Variants in C10orf67 observed in about 807,000 individuals in gnomAD.
C10orf67 encodes the protein uncharacterized protein C10orf67, mitochondrial.
In C10orf67, 60 loss-of-function variants were observed where a neutral mutation model predicts 35.6. The observed-to-expected ratio is 1.68, with a 90% confidence interval of 1.37 to 2.09. The LOEUF is 2.09. Among genes scored for constraint, C10orf67 ranks in the 30% most tolerant of loss-of-function variants. C10orf67 has a pLI of 0.00. For missense variants in C10orf67, 474 were observed against 330.2 expected (o/e 1.44, Z -3.38); for synonymous variants, 167 against 115.8 (o/e 1.44, Z -2.84).
chr10:23,278,406 G>A (rs561984104), intron 8 of C10orf67, among the ~76,000 whole-genome samples: 5 of 152,288 alleles, frequency 3.3e-5, no homozygotes, highest in Admixed American at 6.5e-5. Context: ...CATATATAGT[G>A]TGGGTTAAGC....
At chr10:23,309,245 T>C (rs966430115) in intron 4 of C10orf67, among the ~76,000 whole-genome samples, 2 of 152,110 alleles carry the variant, frequency 1.3e-5, no homozygotes, top group Non-Finnish European at 2.9e-5. Context: ...TGCAGTAACA[T>C]GAATGGAGCT....
intron 10 of C10orf67, 145 bp downstream of exon 10, chr10:23,266,117 T>C: frequency 2.5e-6 from 1 of 393,860 alleles, no homozygotes; most frequent in East Asian, 3.6e-5. Flanking sequence ...GACATGTTGG[T>C]TTAGAAATAG....
chr10:23,210,976 G>T (rs1271991934), intron 15 of C10orf67, among the ~76,000 whole-genome samples: 1 of 152,132 alleles, frequency 6.6e-6, no homozygotes, highest in Non-Finnish European at 1.5e-5. Flanking sequence ...GGAATAGTGG[G>T]TATCAATTAT....
intron 12 of C10orf67, among the ~76,000 whole-genome samples, chr10:23,240,441 A>G (rs1283722319): frequency 6.6e-6 from 1 of 152,266 alleles, no homozygotes; most frequent in Non-Finnish European, 1.5e-5. Flanking sequence ...ATCAAAGGTT[A>G]TGTCAAAAGA....
At chr10:23,215,924 G>A (rs1841418645) in intron 15 of C10orf67, among the ~76,000 whole-genome samples, 1 of 152,142 alleles carries the variant, frequency 6.6e-6, no homozygotes, top group Admixed American at 6.5e-5. Context: ...AAAACTTTCA[G>A]CGCCTGCTAT....
chr10:23,281,391 A>G (rs1843360821), intron 8 of C10orf67, among the ~76,000 whole-genome samples: 1 of 152,234 alleles, frequency 6.6e-6, no homozygotes, highest in Non-Finnish European at 1.5e-5. Flanking sequence ...TTTAGAACGC[A>G]AGTCAAGCTG....
chr10:23,260,493 T>C (rs1037057577), intron 10 of C10orf67, among the ~76,000 whole-genome samples: 1 of 152,170 alleles, frequency 6.6e-6, no homozygotes, highest in Non-Finnish European at 1.5e-5. Context: ...GACAAGTATA[T>C]CAATTTCTGT....
intron 8 of C10orf67, among the ~76,000 whole-genome samples, chr10:23,276,878 T>C (rs1588642440): frequency 6.6e-6 from 1 of 152,158 alleles, no homozygotes; most frequent in South Asian, 2.1e-4. Context: ...AAGTGTAACA[T>C]GCTAATAGCG....
intron 12 of C10orf67, among the ~76,000 whole-genome samples, chr10:23,243,947 A>G (rs901710432): frequency 3.3e-5 from 5 of 152,214 alleles, no homozygotes; most frequent in African/African-American, 1.2e-4. Context: ...GCTAGAGTGC[A>G]GTGGCATGAA....
chr10:23,256,999 G>A (rs552619733), intron 10 of C10orf67, among the ~76,000 whole-genome samples: 3 of 152,320 alleles, frequency 2.0e-5, no homozygotes, highest in African/African-American at 7.2e-5. Context: ...TTCAACTGCT[G>A]GGATGGGCAG....
At chr10:23,315,639 C>A (rs77819879) in intron 4 of C10orf67, among the ~76,000 whole-genome samples, 1 of 152,080 alleles carries the variant, frequency 6.6e-6, no homozygotes, top group Admixed American at 6.6e-5. Flanking sequence ...CAGGGTCTCA[C>A]TATGTTGCCC....
chr10:23,277,215 G>A (rs977346241), intron 8 of C10orf67, among the ~76,000 whole-genome samples: 10 of 152,090 alleles, frequency 6.6e-5, no homozygotes, highest in African/African-American at 1.4e-4. Flanking sequence ...AAGCATCTAC[G>A]AGAATTTAAA....
Position 23,203,934 on chromosome 10 carries a change from C to A in C10orf67, c.*239G>T, listed in dbSNP as rs2131693050. 3.0e-6 allele frequency: 1 copy of A among 337,472 alleles called. No homozygotes were observed. The highest frequency in any genetic ancestry group is 1.5e-4 in the South Asian group (1 of 6,454). The allele number at this position is 337,472 out of a possible 1,614,324, so 20.9% of individuals were successfully genotyped here. A position where few individuals can be genotyped will look rare whatever the true frequency, so the allele number is the denominator to read the frequency against. ...GTGGTTGCCCCGGAGGTTCAGTGCG[C>A]CCCGCTCACCCAGCACCAGCCAGGG... On this transcript the variant is annotated 3_prime_UTR_variant, in exon 16 of 16. Transcript: ENST00000636213.
chr10:23,286,032 G>C (rs1296319907), intron 7 of C10orf67, among the ~76,000 whole-genome samples: 1 of 152,074 alleles, frequency 6.6e-6, no homozygotes, highest in Non-Finnish European at 1.5e-5. Context: ...CTTATAGAGA[G>C]TCAGAAGTAC....
chr10:23,297,279 C>T (rs1843916131), intron 5 of C10orf67, among the ~76,000 whole-genome samples: 1 of 108,980 alleles, frequency 9.2e-6, no homozygotes, highest in Non-Finnish European at 2.3e-5. Flanking sequence ...TTCTGATGAC[C>T]CCACCAGTCT....
chr10:23,260,804 A>G (rs1194362344), intron 10 of C10orf67, among the ~76,000 whole-genome samples: 3 of 152,154 alleles, frequency 2.0e-5, no homozygotes, highest in Non-Finnish European at 2.9e-5. Flanking sequence ...AATCTTTTTT[A>G]TATTACTTTC....
In C10orf67 at chr10:23,219,612, A is replaced by G. The variant is rs16923121; in HGVS notation, c.1570+3986T>C. Among the ~76,000 whole-genome samples the G allele has an allele frequency of 2.0e-3, 310 of 152,286 alleles. 3 individuals carry two copies. The highest frequency in any genetic ancestry group is 5.9e-3 in the African/African-American group (247 of 41,556). Reference sequence around the variant, plus strand: ...TACCTCATTTTTTTAATCCCCTTAGAGTAACAAGGATTTATTTGTCTCAAA... The same window carrying G: ...TACCTCATTTTTTTAATCCCCTTAGGGTAACAAGGATTTATTTGTCTCAAA... On this transcript the variant is annotated intron_variant, in intron 15 of 15. Coordinates refer to ENST00000636213, the MANE Select transcript of C10orf67 (RefSeq NM_001371909.1).
chr10:23,274,320 G>A (rs1449851792), intron 8 of C10orf67, among the ~76,000 whole-genome samples: 9 of 152,116 alleles, frequency 5.9e-5, no homozygotes, highest in Non-Finnish European at 1.2e-4. Flanking sequence ...AATTTACCAG[G>A]CTGGAATTTC....
At chr10:23,226,505 C>T (rs1203184878) in intron 13 of C10orf67, among the ~76,000 whole-genome samples, 1 of 152,024 alleles carries the variant, frequency 6.6e-6, no homozygotes, top group Admixed American at 6.6e-5. Context: ...CTAAAATTGA[C>T]ACCCCAACCT....
Sources: allele counts gnomAD v4.1 joint callset (sites outside exome capture counted in the v4.1 genomes callset), GRCh38; gene constraint gnomAD v4.1.1; transcripts MANE v1.5; gene names NCBI Gene and HGNC (gene_info 2026-07-23, HGNC 2026-07-21).